Variants in KIR3DL1 observed in about 807,000 individuals in gnomAD.
KIR3DL1 encodes the protein killer cell immunoglobulin like receptor, three Ig domains and long cytoplasmic tail 1, also known as killer cell immunoglobulin-like receptor 3DL1.
Under a neutral mutation model 40.3 loss-of-function variants are expected in KIR3DL1, and 50 were observed. The ratio of observed to expected loss-of-function variants is 1.24; its 90% CI spans 0.99 to 1.57. The LOEUF is 1.57. KIR3DL1 is among the 40% of genes most tolerant of loss of function. KIR3DL1 has a pLI of 0.00. For synonymous variants in KIR3DL1, 257 were observed against 207.2 expected, an observed-to-expected ratio of 1.24 and a Z score of -2.07; for missense variants, 661 against 559.9, an observed-to-expected ratio of 1.18 and a Z score of -1.82.
At chr19:54,818,366 G>C in exon 3 of KIR3DL1, 2 of 1,605,674 alleles carry the variant, frequency 1.2e-6, no homozygotes, top group South Asian at 2.2e-5. Flanking sequence ...GTGGTGCCTC[G>C]AGGAGGACAC....
chr19:54,821,750 C>G lies in KIR3DL1; in HGVS notation c.841C>G (p.Pro281Ala), dbSNP rs753751772. 4.4e-6 allele frequency: 7 copies of G among 1,608,124 alleles called. No individual in the cohort carries two copies. The Admixed American group carries it at 1.0e-4, about 23-fold the overall frequency. ...CAACAGAACATTCCAGGCAGATTTC[C>G]CTCTGGGCCCTGCCACCCACGGAGG... The change falls in exon 5 of 9, where the codon CCT becomes GCT. Residue 281 changes from proline (P) to alanine (A), a missense_variant. By Grantham distance (27) the Pro-to-Ala change is conservative (BLOSUM62 -1). Around this residue, in one of 3 missense-constraint regions of KIR3DL1, gnomAD observed 548 missense variants for 413.3 expected, o/e 1.33. Transcript: ENST00000391728.
At chr19:54,826,867 A>G (rs561242587) in intron 6 of KIR3DL1, among the ~76,000 whole-genome samples, 6,258 of 151,448 alleles carry the variant, frequency 0.041, 65 homozygotes, top group East Asian at 0.088. Flanking sequence ...ACGACTGTGG[A>G]GAGACGGAGA....
At chr19:54,825,601 G>C (rs1489492125) in intron 6 of KIR3DL1, among the ~76,000 whole-genome samples, 7 of 148,676 alleles carry the variant, frequency 4.7e-5, no homozygotes, top group Admixed American at 2.7e-4. Context: ...AGGCTGTGCA[G>C]TTGGAATCCT....
chr19:54,818,711 C>T (rs1260519597), intron 3 of KIR3DL1, 112 bp downstream of exon 3: 2 of 1,411,054 alleles, frequency 1.4e-6, no homozygotes, highest in South Asian at 1.4e-5. Flanking sequence ...TATTTGGGGT[C>T]AAGGGAGATT....
At chr19:54,822,076 A>T (rs1457899445) in intron 5 of KIR3DL1, among the ~76,000 whole-genome samples, 1 of 150,940 alleles carries the variant, frequency 6.6e-6, no homozygotes, top group Non-Finnish European at 1.5e-5. Context: ...ACCCAGGCAG[A>T]TGGAGAAAGC....
chr19:54,822,468 G>A (rs2061687973), intron 5 of KIR3DL1, among the ~76,000 whole-genome samples: 1 of 150,500 alleles, frequency 6.6e-6, no homozygotes, highest in African/African-American at 2.5e-5. Context: ...TTACTAAACA[G>A]ACAAGAAAAA....
chr19:54,816,652 G>A lies in KIR3DL1; in HGVS notation c.34+118G>A. The A allele has an allele frequency of 2.1e-6, 3 of 1,439,368 alleles. No homozygotes were observed. The South Asian group carries it at 3.6e-5, about 17-fold the overall frequency. The allele number at this position is 1,439,368 out of a possible 1,614,324, so 89.2% of individuals were successfully genotyped here. A position where few individuals can be genotyped will look rare whatever the true frequency, so the allele number is the denominator to read the frequency against. ...CTAGAGGTGGAGTTATGGGCCTGAA[G>A]TGGAGATCTGGGCCTGGAGTGGAGA... On this transcript the variant is annotated intron_variant, in intron 1 of 8. Transcript: ENST00000391728.
intron 7 of KIR3DL1, 61 bp downstream of exon 7, chr19:54,829,526 C>T (rs1478504188): frequency 7.7e-7 from 1 of 1,292,408 alleles, no homozygotes; most frequent in East Asian, 2.4e-5. Flanking sequence ...AGGATGGGAG[C>T]ACACAGCTGT....
intron 6 of KIR3DL1, among the ~76,000 whole-genome samples, chr19:54,828,366 G>C (rs1179609131): frequency 6.6e-6 from 1 of 151,294 alleles, no homozygotes; most frequent in Non-Finnish European, 1.5e-5. Flanking sequence ...ACACCTCCTG[G>C]ACTGCACCTG....
Position 54,819,391 on chromosome 19 carries a change from C to T in KIR3DL1, c.356-322C>T, listed in dbSNP as rs553603845. Among the ~76,000 whole-genome samples, 237 of 150,728 alleles carry T rather than the reference C, an allele frequency of 1.6e-3. 8 individuals are homozygous for T. The highest frequency in any genetic ancestry group is 5.3e-3 in the African/African-American group (217 of 40,902). The stretch of plus-strand genomic sequence containing the variant: ...AGAGATTGATTCAGGCTGCTAAGAG[C>T]CTGGACATGCAGCCTGTCCTCTTCC... On this transcript the variant is annotated intron_variant, in intron 3 of 8. Transcript: ENST00000391728.
rs763137372 is a variant in KIR3DL1 at position 54,830,399 on chromosome 19, C to T, written c.*124C>T. On this transcript the variant is annotated 3_prime_UTR_variant, in exon 9 of 9. Transcript: ENST00000391728. The stretch of plus-strand genomic sequence containing the variant: ...GGCGTGAGTCTTCATCTTAGGGCAT[C>T]GCTCCTCCTCACGCCACAAATCTGG... 61 of 1,149,082 alleles carry T rather than the reference C, an allele frequency of 5.3e-5. 5 individuals carry two copies. Among genetic ancestry groups the T allele is most frequent in the Non-Finnish European group, 7.1e-5 (56 of 792,640 alleles). The allele number at this position is 1,149,082 out of a possible 1,614,324, so 71.2% of individuals were successfully genotyped here.
chr19:54,818,412 C>A (rs1160217690), exon 3 of KIR3DL1: 4 of 1,607,762 alleles, frequency 2.5e-6, no homozygotes, highest in African/African-American at 1.4e-5. Flanking sequence ...ATAGGTTTAA[C>A]AATTTCATGC....
exon 4 of KIR3DL1, chr19:54,819,897 C>T (rs750184838): frequency 6.2e-7 from 1 of 1,612,256 alleles, no homozygotes; most frequent in East Asian, 2.2e-5. Context: ...AGGCCAATTT[C>T]TCCATCGGTC....
chr19:54,816,786 TGGAGAGATGGGCCTGGAGG>T (rs2061358993), intron 1 of KIR3DL1, among the ~76,000 whole-genome samples: 4 of 46,940 alleles, frequency 8.5e-5, no homozygotes, highest in African/African-American at 4.4e-4. Flanking sequence ...GTGCCTGGGG[TGGAGAGATGGGCCTGGAGG>T]GGAGATATGG....
At chr19:54,827,357 A>T (rs1018961062) in intron 6 of KIR3DL1, among the ~76,000 whole-genome samples, 2 of 150,970 alleles carry the variant, frequency 1.3e-5, no homozygotes, top group Admixed American at 6.6e-5. Flanking sequence ...GCAGGAGGCT[A>T]AGGCCAGTGG....
chr19:54,818,694 C>T, intron 3 of KIR3DL1, 95 bp downstream of exon 3: 1 of 1,498,622 alleles, frequency 6.7e-7, no homozygotes, highest in Non-Finnish European at 8.9e-7. Flanking sequence ...CACCCAGGCC[C>T]TGACTGTATT....
intron 6 of KIR3DL1, 99 bp downstream of exon 6, chr19:54,825,177 G>C (rs1291792224): frequency 4.1e-5 from 33 of 810,774 alleles, no homozygotes; most frequent in Non-Finnish European, 6.6e-5. Context: ...CTGTGAATGA[G>C]GGCCTGTCTT....
At chr19:54,821,961 G>A (rs2148120213) in intron 5 of KIR3DL1, 103 bp downstream of exon 5, 2 of 1,378,548 alleles carry the variant, frequency 1.5e-6, no homozygotes, top group Admixed American at 1.9e-5. Flanking sequence ...GCAGAGAGAA[G>A]ACACAGCAGG....
At chr19:54,829,791 T>G in intron 7 of KIR3DL1, 137 bp from the exon 8 acceptor site, 2 of 807,880 alleles carry the variant, frequency 2.5e-6, no homozygotes, top group Non-Finnish European at 3.9e-6. Context: ...CTCAGAGAGA[T>G]AGAATGTCTG....
Sources: allele counts gnomAD v4.1 joint callset (sites outside exome capture counted in the v4.1 genomes callset), GRCh38; gene constraint gnomAD v4.1.1; regional missense constraint gnomAD v4.1.1; transcripts MANE v1.5; gene names NCBI Gene and HGNC (gene_info 2026-07-23, HGNC 2026-07-21).